The following TTC21A variants were observed in gnomAD, a reference collection of about 807,000 sequenced individuals.
TTC21A encodes tetratricopeptide repeat protein 21A.
In TTC21A, 128 loss-of-function variants were observed where a neutral mutation model predicts 156.4. The ratio of observed to expected loss-of-function variants is 0.82; its 90% CI spans 0.71 to 0.95. The LOEUF (loss-of-function observed/expected upper bound fraction) is 0.95, where lower values mean the gene tolerates loss of function less well. Among genes scored for constraint, TTC21A ranks in the 40% least tolerant of loss-of-function variants. The pLI, the probability that TTC21A is intolerant of heterozygous loss-of-function variation, is 0.00. For missense variants in TTC21A, 1,435 were observed against 1,602.3 expected, an observed-to-expected ratio of 0.90 and a Z score of 1.78; for synonymous variants, 587 against 617.1, an observed-to-expected ratio of 0.95 and a Z score of 0.72.
At chr3:39,122,326 A>G (rs968414516) in intron 9 of TTC21A, among the ~76,000 whole-genome samples, 25 of 36,380 alleles carry the variant, frequency 6.9e-4, no homozygotes, top group Admixed American at 2.9e-3. Context: ...AAGAAAGAAA[A>G]AAAAAAAAAA....
chr3:39,133,352 CA>C, intron 20 of TTC21A, 112 bp downstream of exon 20: 1 of 1,128,254 alleles, frequency 8.9e-7, no homozygotes, highest in East Asian at 2.5e-5. Context: ...CCTGAGGAGT[CA>C]CAGATATGAT....
rs574062941 is a variant in TTC21A at position 39,107,748 on chromosome 3, C to G, written c.-90C>G. 1 of 1,579,342 alleles carries G rather than the reference C, an allele frequency of 6.3e-7. No individual in the cohort carries two copies. The highest frequency in any genetic ancestry group is 2.2e-5 in the East Asian group (1 of 44,698). ...AAGGACTGTAACGCCTTCAACCGCC[C>G]GCCGCGATAGAGTGCCCACGACCCT... On this transcript the variant is annotated 5_prime_UTR_variant, in exon 1 of 29. Coordinates refer to ENST00000683103, the MANE Select transcript of TTC21A (RefSeq NM_001366900.1).
chr3:39,127,764 C>G (rs146467252), intron 12 of TTC21A, among the ~76,000 whole-genome samples: 1 of 152,308 alleles, frequency 6.6e-6, no homozygotes, highest in African/African-American at 2.4e-5. Flanking sequence ...AGCTGAAGCT[C>G]AGGAACCCAA....
chr3:39,111,202 T>C (rs1005200133), intron 4 of TTC21A, among the ~76,000 whole-genome samples, 185 bp downstream of exon 4: 1 of 152,192 alleles, frequency 6.6e-6, no homozygotes, highest in Non-Finnish European at 1.5e-5. Context: ...AGGTTACACA[T>C]TGGCATTTGT....
intron 9 of TTC21A, among the ~76,000 whole-genome samples, chr3:39,124,658 C>CAAAAGAAAAAAAAAA (rs2038058574): frequency 2.8e-5 from 2 of 71,040 alleles, no homozygotes; most frequent in African/African-American, 8.5e-5. Context: ...AACTCCGTCT[C>CAAAAGAAAAAAAAAA]AAAAAAAAAA....
At chr3:39,115,463 C>T (rs1182510845) in intron 6 of TTC21A, among the ~76,000 whole-genome samples, 1 of 152,106 alleles carries the variant, frequency 6.6e-6, no homozygotes, top group Admixed American at 6.6e-5. Flanking sequence ...AAGTTCAAGA[C>T]CAGCCTCGGC....
chr3:39,114,505 A>T (rs2037109822), intron 5 of TTC21A, 80 bp from the exon 6 acceptor site: 2 of 1,403,924 alleles, frequency 1.4e-6, no homozygotes, highest in Non-Finnish European at 2.0e-6. Context: ...TTTCATGGAG[A>T]CACAGAGACA....
At chr3:39,114,548 TC>T (rs778220099) in intron 5 of TTC21A, 36 bp from the exon 6 acceptor site, 9 of 1,609,398 alleles carry the variant, frequency 5.6e-6, no homozygotes, top group Non-Finnish European at 7.7e-6. Context: ...TCATGGGCAC[TC>T]CCTTCACGGA....
intron 5 of TTC21A, 69 bp downstream of exon 5, chr3:39,112,649 T>TA (rs2036932909): frequency 1.3e-6 from 2 of 1,587,654 alleles, no homozygotes; most frequent in Admixed American, 1.8e-5. Context: ...ACCCACCAGG[T>TA]ACCCCCAGGC....
At chr3:39,121,401 A>AT (rs1249039404) in intron 9 of TTC21A, among the ~76,000 whole-genome samples, 1 of 152,146 alleles carries the variant, frequency 6.6e-6, no homozygotes, top group African/African-American at 2.4e-5. Flanking sequence ...AGTCACTCTG[A>AT]TCTCCACCAG....
At position 39,126,336 on chromosome 3, in the gene TTC21A, G is replaced by C. The variant is rs2038238239; in HGVS notation, c.1468G>C (p.Ala490Pro). Residue 490 changes from alanine (A) to proline (P), a missense_variant, in exon 12 of 29, where the codon GCA (alanine) becomes CCA (proline). Physicochemically the swap from Ala to Pro is conservative, Grantham distance 27. Coordinates refer to ENST00000683103, the MANE Select transcript of TTC21A (RefSeq NM_001366900.1). ...GATCTTGAATCCTGTAGTCAAAGCAGCACCAGCTCTGATCGACCCCCTGTA... is the reference window on the plus strand; with the variant it reads ...GATCTTGAATCCTGTAGTCAAAGCACCACCAGCTCTGATCGACCCCCTGTA... ...AVILNPVVKAAPALIDPLYLM... is the reference protein window; with the variant it reads ...AVILNPVVKAPPALIDPLYLM... 1 of 1,613,940 alleles carries C rather than the reference G, an allele frequency of 6.2e-7. No individual in the cohort carries two copies. The highest frequency in any genetic ancestry group is 8.5e-7 in the Non-Finnish European group (1 of 1,180,012).
Position 39,119,969 on chromosome 3 carries a change from A to C in TTC21A, c.849A>C (p.Glu283Asp). The change falls in exon 8 of 29, where the codon GAA becomes GAC. Residue 283 changes from glutamate (E) to aspartate (D), a missense_variant. Glu to Asp is a conservative substitution (Grantham distance 45, BLOSUM62 2). Transcript: ENST00000683103. ...RNLIKALETR[E>D]PENPSLHLKK... is the part of the protein sequence containing the mutation. ...TGATTAAGGCACTAGAGACAAGGGA[A>C]CCCGAAAATCCAAGCCTCCATCTTA... is the stretch of plus-strand genomic sequence containing the variant. 1.2e-6 allele frequency: 2 copies of C among 1,610,170 alleles called. No individual in the cohort carries two copies. The highest frequency in any genetic ancestry group is 1.7e-6 in the Non-Finnish European group (2 of 1,176,934).
At chr3:39,119,380 T>G (rs1400435240) in intron 7 of TTC21A, 1 of 152,210 alleles carries the variant, frequency 6.6e-6, no homozygotes, top group South Asian at 2.1e-4. Context: ...CTTTCTAACC[T>G]TTCATGTGTT....
chr3:39,120,095 G>A (rs1271917475), intron 8 of TTC21A, 75 bp downstream of exon 8: 24 of 1,124,008 alleles, frequency 2.1e-5, no homozygotes, highest in Non-Finnish European at 3.2e-5. Flanking sequence ...GCTCCCCCAG[G>A]AAGCTCCTTG....
At chr3:39,124,628 C>T (rs2038051210) in intron 9 of TTC21A, among the ~76,000 whole-genome samples, 1 of 117,016 alleles carries the variant, frequency 8.5e-6, no homozygotes, top group Admixed American at 1.3e-4. Flanking sequence ...CACTTCACTC[C>T]AGCCTGGGCA....
At chr3:39,122,346 G>A (rs2037843575) in intron 9 of TTC21A, among the ~76,000 whole-genome samples, 1 of 151,398 alleles carries the variant, frequency 6.6e-6, no homozygotes, top group Non-Finnish European at 1.5e-5. Flanking sequence ...AGAGTACATA[G>A]CAGCGTGGAC....
chr3:39,137,165 G>A (rs1553687376), intron 24 of TTC21A, 30 bp from the exon 25 acceptor site: 1 of 1,604,260 alleles, frequency 6.2e-7, no homozygotes, highest in African/African-American at 1.3e-5. Flanking sequence ...CCACCGGCCT[G>A]TGTCTGATAC....
chr3:39,110,516 GACT>G, intron 3 of TTC21A: 1 of 499,948 alleles, frequency 2.0e-6, no homozygotes, highest in South Asian at 2.1e-5. Flanking sequence ...AGAGACTACA[GACT>G]ACTATTTCCC....
At chr3:39,129,617 G>A (rs2038569470) in intron 15 of TTC21A, among the ~76,000 whole-genome samples, 1 of 152,212 alleles carries the variant, frequency 6.6e-6, no homozygotes, top group South Asian at 2.1e-4. Context: ...CCAAGCTGCT[G>A]TCTCTGTATG....
Sources: allele counts gnomAD v4.1 joint callset (sites outside exome capture counted in the v4.1 genomes callset), GRCh38; gene constraint gnomAD v4.1.1; transcripts MANE v1.5; gene names NCBI Gene and HGNC (gene_info 2026-07-23, HGNC 2026-07-21).